Variants in EPHA6 observed in about 807,000 individuals in gnomAD.
EPHA6 encodes the protein ephrin type-A receptor 6.
EPHA6 carries 50 observed loss-of-function variants against 112.0 expected under a neutral mutation model. The observed-to-expected ratio is 0.45, with a 90% CI of 0.36 to 0.56. EPHA6 has a LOEUF of 0.56. EPHA6 is among the 20% of genes least tolerant of loss of function. The probability of loss-of-function intolerance (pLI) is 0.00; values close to 1 mark genes in which losing one functional copy is unlikely to be tolerated. For synonymous variants in EPHA6, 529 were observed against 490.7 expected (o/e 1.08, Z -1.03); for missense variants, 1,280 against 1,417.4 (o/e 0.90, Z 1.56).
intron 14 of EPHA6, among the ~76,000 whole-genome samples, chr3:97,714,634 T>A (rs1346852075): frequency 6.6e-6 from 1 of 152,220 alleles, no homozygotes; most frequent in African/African-American, 2.4e-5. Context: ...TTTCTCAAGA[T>A]CAGTGATTCT....
At chr3:97,268,942 A>G (rs1329561564) in intron 5 of EPHA6, among the ~76,000 whole-genome samples, 1 of 152,206 alleles carries the variant, frequency 6.6e-6, no homozygotes, top group Non-Finnish European at 1.5e-5. Context: ...TAGGAAAATA[A>G]AATTGAACTC....
intron 14 of EPHA6, among the ~76,000 whole-genome samples, chr3:97,683,693 C>T (rs1024396278): frequency 3.3e-5 from 5 of 152,044 alleles, no homozygotes; most frequent in African/African-American, 7.2e-5. Context: ...TTGATAAATT[C>T]GGCTGCTCAC....
At chr3:97,584,146 G>A (rs990613852) in intron 11 of EPHA6, among the ~76,000 whole-genome samples, 3 of 152,100 alleles carry the variant, frequency 2.0e-5, no homozygotes, top group Non-Finnish European at 2.9e-5. Context: ...AACTCAATCT[G>A]TTATTTTACA....
At chr3:96,894,320 T>G (rs2038144216) in intron 2 of EPHA6, among the ~76,000 whole-genome samples, 1 of 152,012 alleles carries the variant, frequency 6.6e-6, no homozygotes. Context: ...ATAACATACT[T>G]TTAAATTTTT....
At position 97,051,134 on chromosome 3, in the gene EPHA6, G is replaced by A. The variant is rs554022634; in HGVS notation, c.1114+63141G>A. Among the ~76,000 whole-genome samples the A allele has an allele frequency of 5.3e-5, 8 of 152,158 alleles. No individual in the cohort carries two copies. In the East Asian group the frequency reaches 1.4e-3, roughly 26 times the overall value. On this transcript the variant is annotated intron_variant, in intron 3 of 17. Transcript: ENST00000389672. Reference sequence around the variant, plus strand: ...ATTGAGAATGGCAATACATAATGGAGGCAATCTATGAAACAATTAATAAGC... The same window carrying A: ...ATTGAGAATGGCAATACATAATGGAAGCAATCTATGAAACAATTAATAAGC...
At chr3:97,526,061 T>C (rs1321207487) in intron 10 of EPHA6, among the ~76,000 whole-genome samples, 2 of 152,182 alleles carry the variant, frequency 1.3e-5, no homozygotes, top group East Asian at 3.9e-4. Context: ...CTGAGATCTT[T>C]AGCCCCCACG....
intron 3 of EPHA6, among the ~76,000 whole-genome samples, chr3:97,204,964 T>C (rs1327899250): frequency 1.3e-5 from 2 of 152,134 alleles, no homozygotes; most frequent in Non-Finnish European, 2.9e-5. Flanking sequence ...TTAGAACTTA[T>C]ATTTTCCATT....
chr3:97,536,119 C>T (rs566549884), intron 11 of EPHA6, among the ~76,000 whole-genome samples: 1 of 152,052 alleles, frequency 6.6e-6, no homozygotes, highest in South Asian at 2.1e-4. Context: ...CTCCAAGAAG[C>T]AAATAGAAGC....
At chr3:97,378,473 G>C (rs2085512625) in intron 5 of EPHA6, among the ~76,000 whole-genome samples, 1 of 152,128 alleles carries the variant, frequency 6.6e-6, no homozygotes, top group African/African-American at 2.4e-5. Flanking sequence ...TGTGAGAAGA[G>C]GGCCACCATC....
intron 3 of EPHA6, among the ~76,000 whole-genome samples, chr3:97,066,288 G>A (rs181940411): frequency 1.2e-4 from 18 of 151,698 alleles, no homozygotes; most frequent in African/African-American, 3.4e-4. Context: ...GGATCTCCTC[G>A]ACAGAAGCTA....
chr3:96,943,953 A>G (rs756435537), intron 2 of EPHA6, among the ~76,000 whole-genome samples: 7 of 152,262 alleles, frequency 4.6e-5, no homozygotes, highest in Non-Finnish European at 8.8e-5. Context: ...ATGATATATC[A>G]ATAATGTTGT....
intron 15 of EPHA6, among the ~76,000 whole-genome samples, chr3:97,729,668 T>C (rs2034946077): frequency 6.7e-6 from 1 of 150,248 alleles, no homozygotes; most frequent in African/African-American, 2.5e-5. Context: ...ACAAGTGTTA[T>C]TTACTTAGAA....
At chr3:97,740,145 A>G (rs1340110741) in intron 16 of EPHA6, among the ~76,000 whole-genome samples, 1 of 151,552 alleles carries the variant, frequency 6.6e-6, no homozygotes, top group Middle Eastern at 3.4e-3. Flanking sequence ...ACCCAGTCCT[A>G]CCTCCCCCAC....
intron 15 of EPHA6, among the ~76,000 whole-genome samples, chr3:97,731,805 C>G (rs2035047740): frequency 6.6e-6 from 1 of 152,036 alleles, no homozygotes; most frequent in Admixed American, 6.6e-5. Flanking sequence ...TTGAACTCAT[C>G]ATCACTCCAA....
At chr3:97,108,347 A>T (rs555771471) in intron 3 of EPHA6, among the ~76,000 whole-genome samples, 1 of 152,328 alleles carries the variant, frequency 6.6e-6, no homozygotes, top group South Asian at 2.1e-4. Context: ...GTCAGCATGA[A>T]CCATTGATAT....
chr3:97,005,611 T>C (rs2043847524), intron 3 of EPHA6, among the ~76,000 whole-genome samples: 1 of 152,156 alleles, frequency 6.6e-6, no homozygotes, highest in African/African-American at 2.4e-5. Flanking sequence ...CCTTTGTTTC[T>C]TTCCCTTACC....
intron 5 of EPHA6, among the ~76,000 whole-genome samples, chr3:97,271,926 A>G (rs1406331500): frequency 6.6e-6 from 1 of 152,134 alleles, no homozygotes; most frequent in Non-Finnish European, 1.5e-5. Flanking sequence ...TTGTGTGTAG[A>G]TGGGGGAAAG....
At chr3:96,936,676 G>A (rs183466355) in intron 2 of EPHA6, among the ~76,000 whole-genome samples, 128 of 151,708 alleles carry the variant, frequency 8.4e-4, no homozygotes, top group South Asian at 2.7e-3. Flanking sequence ...TGTTACATAC[G>A]TACACATGTG....
rs145113275 is a variant in EPHA6 at position 97,751,463 on chromosome 3, T to C, written c.*2762T>C. On this transcript the variant is annotated 3_prime_UTR_variant, in exon 18 of 18. Transcript: ENST00000389672. ...ATCTTAAATGTAACTTTGAACTTCA[T>C]TATGGTTATGGCAACATTGAAACAT... 4.1e-3 allele frequency among the ~76,000 whole-genome samples: 629 copies of C among 152,252 alleles called. 7 individuals are homozygous for C. The highest frequency in any genetic ancestry group is 0.015 in the African/African-American group (607 of 41,572).
Sources: gnomAD v4.1 joint callset for allele counts (sites outside exome capture counted in the v4.1 genomes callset) on GRCh38, gnomAD v4.1.1 for gene constraint, MANE v1.5 for transcripts, NCBI Gene and HGNC (gene_info 2026-07-23, HGNC 2026-07-21) for gene names.